Variants in FOCAD observed in about 807,000 individuals in gnomAD.
FOCAD encodes the protein KIAA1797.
In FOCAD, 198 loss-of-function variants were observed where a neutral mutation model predicts 225.6. That is an observed-to-expected ratio of 0.88 (90% CI 0.78 to 0.99). FOCAD has a LOEUF of 0.99. Ranked by LOEUF, FOCAD falls within the 50% of genes least tolerant of loss-of-function variation. The pLI, the probability that FOCAD is intolerant of heterozygous loss-of-function variation, is 0.00. For missense variants in FOCAD, 2,713 were observed against 2,123.6 expected (o/e 1.28, Z -5.46); for synonymous variants, 897 against 755.0 (o/e 1.19, Z -3.08).
rs140887557 is a variant in FOCAD, at chr9:20,768,810, C to A, written c.700-1222C>A. 3.2e-3 allele frequency among the ~76,000 whole-genome samples: 482 copies of A among 152,032 alleles called. 1 individual carries two copies. Among genetic ancestry groups the A allele is most frequent in the African/African-American group, 8.8e-3 (365 of 41,480 alleles). On this transcript the variant is annotated intron_variant, in intron 7 of 43. Coordinates refer to ENST00000338382, the MANE Select transcript of FOCAD (RefSeq NM_001375567.1). Reference sequence around the variant, plus strand: ...AGAATAGTCCTTTTCATTTTAATTGCGACTCTTGTCACCTCACATATTACC... The same window carrying A: ...AGAATAGTCCTTTTCATTTTAATTGAGACTCTTGTCACCTCACATATTACC...
chr9:20,782,505 T>G (rs1478006492), intron 10 of FOCAD, among the ~76,000 whole-genome samples: 3 of 152,200 alleles, frequency 2.0e-5, no homozygotes, highest in African/African-American at 7.2e-5. Flanking sequence ...TCATTCCGCT[T>G]TTTCAGTCTT....
At chr9:20,732,694 T>C (rs1826814762) in intron 4 of FOCAD, among the ~76,000 whole-genome samples, 1 of 152,036 alleles carries the variant, frequency 6.6e-6, no homozygotes, top group South Asian at 2.1e-4. Flanking sequence ...GGCACCTAGA[T>C]GGGATACACA....
intron 11 of FOCAD, among the ~76,000 whole-genome samples, chr9:20,801,039 TTTCTGTTTGTTAGTTTTCC>T (rs1353183457): frequency 6.6e-6 from 1 of 152,160 alleles, no homozygotes; most frequent in Non-Finnish European, 1.5e-5. Context: ...GTGGATGTCC[TTTCTGTTTGTTAGTTTTCC>T]TTCTAACAGT....
intron 35 of FOCAD, among the ~76,000 whole-genome samples, chr9:20,959,750 T>C (rs1278029744): frequency 6.6e-6 from 1 of 152,182 alleles, no homozygotes; most frequent in Non-Finnish European, 1.5e-5. Context: ...TTTCTGTCTA[T>C]GGATATCCAG....
chr9:20,869,580 T>A (rs1829588648), intron 18 of FOCAD, among the ~76,000 whole-genome samples: 1 of 152,130 alleles, frequency 6.6e-6, no homozygotes, highest in South Asian at 2.1e-4. Flanking sequence ...ACATTTAAGG[T>A]AATGTACTGG....
rs570539683 is a variant in FOCAD, at chr9:20,725,549, TGAAA to T, written c.287+5022_287+5025del. Reference sequence around the variant, plus strand: ...GCATTTAGAGCAGATTTTGAAAGCGTGAAAGAAAGATGGAAGGAAAAGTAGATGT... The same window carrying T: ...GCATTTAGAGCAGATTTTGAAAGCGTGAAAGATGGAAGGAAAAGTAGATGT... On this transcript the variant is annotated intron_variant, in intron 4 of 43. Transcript: ENST00000338382. Among the ~76,000 whole-genome samples, 13 of 152,264 alleles carry T rather than the reference TGAAA, an allele frequency of 8.5e-5. No homozygotes were observed. In the East Asian group the frequency reaches 2.3e-3, roughly 27 times the overall value.
intron 11 of FOCAD, among the ~76,000 whole-genome samples, chr9:20,817,358 C>A (rs536130494): frequency 6.6e-6 from 1 of 152,096 alleles, no homozygotes; most frequent in African/African-American, 2.4e-5. Context: ...ACGTCACTGC[C>A]TGTTTCACCC....
At chr9:20,995,489 G>T in intron 43 of FOCAD, 67 bp from the exon 44 acceptor site, 1 of 1,345,606 alleles carries the variant, frequency 7.4e-7, no homozygotes, top group Non-Finnish European at 1.1e-6. Flanking sequence ...GACAAATTCT[G>T]TTCTGACACC....
At chr9:20,731,561 C>T (rs569622690) in intron 4 of FOCAD, among the ~76,000 whole-genome samples, 9 of 152,202 alleles carry the variant, frequency 5.9e-5, no homozygotes, top group African/African-American at 2.2e-4. Flanking sequence ...ACCTTGGGAG[C>T]CAAGCAAGAT....
At chr9:20,990,031 CAT>C in intron 41 of FOCAD, 90 bp from the exon 42 acceptor site, 2 of 1,472,804 alleles carry the variant, frequency 1.4e-6, no homozygotes, top group Non-Finnish European at 1.9e-6. Flanking sequence ...GGGAAGATGA[CAT>C]TGCCTCACGA....
Position 20,781,800 on chromosome 9 carries a change from G to T in FOCAD, c.1068G>T (p.Leu356=). ...CTCTGCTGCTAGTGATGCCAATTCT[G>T]CAGATACTATCTTCTACTGCCTTGG... is the stretch of plus-strand genomic sequence containing the variant. ...KSSLLLVMPI[L]QILSSTALED... Residue 356 remains leucine (L), a synonymous_variant, in exon 10 of 44, where the codon CTG becomes CTT. Transcript: ENST00000338382. The T allele has an allele frequency of 6.2e-7, 1 of 1,614,112 alleles. No homozygotes were observed. The highest frequency in any genetic ancestry group is 8.5e-7 in the Non-Finnish European group (1 of 1,179,994).
At chr9:20,826,239 G>T (rs1224912256) in intron 15 of FOCAD, among the ~76,000 whole-genome samples, 1 of 152,066 alleles carries the variant, frequency 6.6e-6, no homozygotes, top group Non-Finnish European at 1.5e-5. Flanking sequence ...CAAACTGGGA[G>T]TGTAGCATTT....
At chr9:20,746,933 T>C (rs1469927670) in intron 5 of FOCAD, among the ~76,000 whole-genome samples, 1 of 152,228 alleles carries the variant, frequency 6.6e-6, no homozygotes, top group Non-Finnish European at 1.5e-5. Context: ...AATGACGCTG[T>C]GTCCTTCTGA....
chr9:20,981,718 A>G (rs747260804), intron 38 of FOCAD, 32 bp downstream of exon 38: 9 of 1,584,402 alleles, frequency 5.7e-6, no homozygotes, highest in South Asian at 4.6e-5. Context: ...ATTCCTGACA[A>G]TTTATGTTTG....
chr9:20,944,903 A>G (rs2132324285), intron 29 of FOCAD, 129 bp downstream of exon 29: 3 of 999,898 alleles, frequency 3.0e-6, no homozygotes, highest in Middle Eastern at 6.4e-4. Context: ...AATCTGAATG[A>G]CAAACAACCA....
In FOCAD at chr9:20,985,775, A is replaced by G. The variant is rs1003547071; in HGVS notation, c.4729-513A>G. ...CTAATAATTTTTATTGTTTACAAGG[A>G]TATTTTAAGTGAAATTGGCTTGTGA... On this transcript the variant is annotated intron_variant, in intron 39 of 43. Coordinates refer to ENST00000338382, the MANE Select transcript of FOCAD (RefSeq NM_001375567.1). Among the ~76,000 whole-genome samples, 4 of 152,182 alleles carry G rather than the reference A, an allele frequency of 2.6e-5. No individual in the cohort carries two copies. The South Asian group carries it at 6.2e-4, about 24-fold the overall frequency.
At chr9:20,832,871 T>G (rs1236330486) in intron 15 of FOCAD, among the ~76,000 whole-genome samples, 3 of 152,102 alleles carry the variant, frequency 2.0e-5, no homozygotes. Context: ...TTAGGTTGTT[T>G]CCATATTTGA....
chr9:20,866,429 T>G (rs1051349239), intron 17 of FOCAD, among the ~76,000 whole-genome samples: 3 of 151,988 alleles, frequency 2.0e-5, no homozygotes, highest in Non-Finnish European at 2.9e-5. Context: ...ACTTGCCCTA[T>G]TAATAGGTGG....
intron 40 of FOCAD, among the ~76,000 whole-genome samples, chr9:20,987,557 A>C (rs1189749560): frequency 6.6e-6 from 1 of 152,144 alleles, no homozygotes; most frequent in Non-Finnish European, 1.5e-5. Context: ...TGGCAGTCTG[A>C]AACAGTTTTT....
Sources: allele counts gnomAD v4.1 joint callset (sites outside exome capture counted in the v4.1 genomes callset), GRCh38; gene constraint gnomAD v4.1.1; transcripts MANE v1.5; gene names NCBI Gene and HGNC (gene_info 2026-07-23, HGNC 2026-07-21).